The following SNTB1 variants were observed in gnomAD, a reference collection of about 807,000 sequenced individuals.
SNTB1 encodes the protein syntrophin beta 1, also known as beta-1-syntrophin.
SNTB1 carries 36 observed loss-of-function variants against 48.9 expected under a neutral mutation model. The ratio of observed to expected loss-of-function variants is 0.74; its 90% confidence interval spans 0.56 to 0.97. SNTB1 has a LOEUF of 0.97. SNTB1 is among the 50% of genes least tolerant of loss of function. SNTB1 has a pLI of 0.00. For synonymous variants in SNTB1, 299 were observed against 294.6 expected, an observed-to-expected ratio of 1.01 and a Z score of -0.15; for missense variants, 786 against 703.4, an observed-to-expected ratio of 1.12 and a Z score of -1.33.
intron 2 of SNTB1, among the ~76,000 whole-genome samples, chr8:120,685,081 A>G (rs1563851241): frequency 6.6e-6 from 1 of 152,224 alleles, no homozygotes; most frequent in Admixed American, 6.5e-5. Context: ...TTTGATGGGC[A>G]CAGCCAATGT....
At chr8:120,776,466 A>G (rs1036605016) in intron 1 of SNTB1, 7 of 151,880 alleles carry the variant, frequency 4.6e-5, no homozygotes, top group African/African-American at 1.7e-4. Context: ...ATTTCTACAG[A>G]CTCCAAGAGG....
chr8:120,582,014 A>T (rs1816057304), intron 3 of SNTB1, among the ~76,000 whole-genome samples: 1 of 152,210 alleles, frequency 6.6e-6, no homozygotes, highest in African/African-American at 2.4e-5. Flanking sequence ...CAGCCTGGGC[A>T]ACAAGAGTGA....
At chr8:120,669,296 T>C (rs562069977) in intron 2 of SNTB1, among the ~76,000 whole-genome samples, 1 of 152,150 alleles carries the variant, frequency 6.6e-6, no homozygotes, top group Non-Finnish European at 1.5e-5. Flanking sequence ...ACTAGCACCA[T>C]CCCCTCCTTA....
At chr8:120,551,453 T>C (rs1243028150) in intron 4 of SNTB1, among the ~76,000 whole-genome samples, 1 of 151,888 alleles carries the variant, frequency 6.6e-6, no homozygotes, top group East Asian at 1.9e-4. Flanking sequence ...TACAAAGCTG[T>C]ATTAGAACCC....
intron 1 of SNTB1, among the ~76,000 whole-genome samples, chr8:120,725,848 G>A (rs1377871322): frequency 6.6e-6 from 1 of 152,184 alleles, no homozygotes; most frequent in Non-Finnish European, 1.5e-5. Flanking sequence ...TTTCTTAAGA[G>A]TTGCTATTTG....
intron 4 of SNTB1, among the ~76,000 whole-genome samples, chr8:120,562,032 C>T (rs1311047895): frequency 1.3e-5 from 2 of 152,202 alleles, no homozygotes; most frequent in Admixed American, 6.5e-5. Context: ...AAACAGCCAA[C>T]AAGTTCATTA....
chr8:120,693,655 G>A, intron 2 of SNTB1, 37 bp downstream of exon 2: 13 of 1,580,066 alleles, frequency 8.2e-6, no homozygotes, highest in Non-Finnish European at 1.1e-5. Context: ...AGGCCGAGGA[G>A]CTGCTTGATA....
intron 2 of SNTB1, among the ~76,000 whole-genome samples, chr8:120,675,865 G>C (rs992119989): frequency 5.3e-5 from 8 of 152,302 alleles, no homozygotes; most frequent in Non-Finnish European, 1.0e-4. Flanking sequence ...AGCATTTCTT[G>C]AGCTTCTACC....
intron 3 of SNTB1, among the ~76,000 whole-genome samples, chr8:120,621,202 C>T (rs1042528696): frequency 6.6e-6 from 1 of 152,140 alleles, no homozygotes; most frequent in Admixed American, 6.5e-5. Flanking sequence ...TCAGGTGATC[C>T]ACCCACCTTG....
chr8:120,786,691 A>G (rs2130141584), intron 1 of SNTB1, among the ~76,000 whole-genome samples: 1 of 152,252 alleles, frequency 6.6e-6, no homozygotes, highest in South Asian at 2.1e-4. Flanking sequence ...CCAGGTCAAG[A>G]GTGTGACTGG....
chr8:120,636,030 G>T, intron 2 of SNTB1: 2 of 987,102 alleles, frequency 2.0e-6, no homozygotes, highest in South Asian at 2.0e-5. Context: ...GATGGCTACT[G>T]AGTTCTAAAG....
intron 1 of SNTB1, among the ~76,000 whole-genome samples, chr8:120,807,096 T>C (rs777466724): frequency 5.9e-5 from 9 of 152,202 alleles, no homozygotes; most frequent in South Asian, 2.1e-4. Flanking sequence ...TTCAGTTCCA[T>C]AGGAGACCTT....
intron 4 of SNTB1, among the ~76,000 whole-genome samples, chr8:120,565,770 C>T (rs757904231): frequency 6.6e-6 from 1 of 152,206 alleles, no homozygotes; most frequent in East Asian, 1.9e-4. Flanking sequence ...CCCCACCCAC[C>T]ATGCTGTGGT....
chr8:120,703,275 G>C (rs1048350597), intron 1 of SNTB1, among the ~76,000 whole-genome samples: 29 of 152,142 alleles, frequency 1.9e-4, no homozygotes, highest in African/African-American at 7.0e-4. Flanking sequence ...TAGGTGCGCA[G>C]CACCACACCT....
At chr8:120,616,711 T>A (rs1363189460) in intron 3 of SNTB1, among the ~76,000 whole-genome samples, 1 of 152,204 alleles carries the variant, frequency 6.6e-6, no homozygotes, top group South Asian at 2.1e-4. Context: ...TCCATTTGCA[T>A]AAAGCCACTT....
At chr8:120,578,082 G>C (rs1165157663) in intron 3 of SNTB1, among the ~76,000 whole-genome samples, 1 of 152,196 alleles carries the variant, frequency 6.6e-6, no homozygotes, top group Non-Finnish European at 1.5e-5. Flanking sequence ...GCCCAGGCTG[G>C]AGTGCAGTGG....
chr8:120,615,026 C>CTGTAG (rs1563832140), intron 3 of SNTB1, among the ~76,000 whole-genome samples: 1 of 150,426 alleles, frequency 6.6e-6, no homozygotes, highest in African/African-American at 2.5e-5. Flanking sequence ...TGGCACGCAC[C>CTGTAG]TGTAGTCCCA....
chr8:120,806,312 T>C (rs1201803199), intron 1 of SNTB1, among the ~76,000 whole-genome samples: 1 of 152,190 alleles, frequency 6.6e-6, no homozygotes, highest in Non-Finnish European at 1.5e-5. Context: ...GTGAAAGGCT[T>C]GTCTAGCTCC....
intron 1 of SNTB1, among the ~76,000 whole-genome samples, chr8:120,743,154 G>C (rs1437099761): frequency 6.6e-6 from 1 of 152,096 alleles, no homozygotes; most frequent in Admixed American, 6.6e-5. Flanking sequence ...TCTTCTTTAT[G>C]GGTTTTTCTG....
Sources: allele counts gnomAD v4.1 joint callset (sites outside exome capture counted in the v4.1 genomes callset), GRCh38; gene constraint gnomAD v4.1.1; transcripts MANE v1.5; gene names NCBI Gene and HGNC (gene_info 2026-07-23, HGNC 2026-07-21).